The following ADGRA1 variants were observed in gnomAD, a reference collection of about 807,000 sequenced individuals.
ADGRA1 encodes adhesion G protein-coupled receptor A1.
In ADGRA1, 12 loss-of-function variants were observed where a neutral mutation model predicts 21.3. The ratio of observed to expected loss-of-function variants is 0.56; its 90% CI spans 0.36 to 0.91. The LOEUF (loss-of-function observed/expected upper bound fraction) is 0.91. Ranked by LOEUF, ADGRA1 falls within the 40% of genes least tolerant of loss-of-function variation. ADGRA1 has a pLI of 0.01. For synonymous variants in ADGRA1, 385 were observed against 368.8 expected (o/e 1.04, Z -0.50); for missense variants, 790 against 805.6 (o/e 0.98, Z 0.23).
intron 5 of ADGRA1, among the ~76,000 whole-genome samples, chr10:133,111,489 C>G (rs112424346): frequency 1.8e-5 from 1 of 55,084 alleles, no homozygotes; most frequent in Admixed American, 1.5e-4. Flanking sequence ...CCCTCCTAAT[C>G]CCACCAGACA....
At chr10:133,099,898 G>A (rs1851759782) in intron 4 of ADGRA1, among the ~76,000 whole-genome samples, 1 of 152,216 alleles carries the variant, frequency 6.6e-6, no homozygotes, top group Admixed American at 6.5e-5. Context: ...ACATGCACCT[G>A]CAGACAGCAG....
chr10:133,120,421 T>A (rs1182597532), intron 5 of ADGRA1, among the ~76,000 whole-genome samples: 1 of 151,966 alleles, frequency 6.6e-6, no homozygotes, highest in African/African-American at 2.4e-5. Flanking sequence ...AGAAAAAAAA[T>A]ATATCTTGTT....
chr10:133,121,058 C>T (rs759859333), intron 5 of ADGRA1, among the ~76,000 whole-genome samples: 8 of 152,150 alleles, frequency 5.3e-5, no homozygotes, highest in Non-Finnish European at 1.0e-4. Flanking sequence ...CCAGATCACA[C>T]GGGACATTTA....
chr10:133,129,283 G>T lies in ADGRA1; in HGVS notation c.1455G>T (p.Glu485Asp), dbSNP rs1852460566. ...CCTTCCCCATGGTCACCCAGCCCGA[G>T]GGCAGTGATGGGAGCCCTGCCCTCT... The part of the protein sequence containing the change: ...GDPFPMVTQP[E>D]GSDGSPALYS... The change falls in exon 7 of 7, where the codon GAG becomes GAT. Residue 485 changes from glutamate (E) to aspartate (D), a missense_variant. Physicochemically the swap from Glu to Asp is conservative, Grantham distance 45. Coordinates refer to ENST00000392607, the MANE Select transcript of ADGRA1 (RefSeq NM_001083909.3). 4 of 1,551,016 alleles carry T rather than the reference G, an allele frequency of 2.6e-6. No homozygotes were observed. The South Asian group carries it at 3.6e-5, about 14-fold the overall frequency.
chr10:133,129,173 C>A lies in ADGRA1; in HGVS notation c.1345C>A (p.Arg449Ser). Residue 449 changes from arginine (R) to serine (S), a missense_variant, in exon 7 of 7, where the codon CGC becomes AGC. Coordinates refer to ENST00000392607, the MANE Select transcript of ADGRA1 (RefSeq NM_001083909.3). ...HIPSSLDGSP[R>S]SSRTDSPPSS... is the part of the protein sequence containing the mutation. The stretch of plus-strand genomic sequence containing the variant: ...CCCATCCAGCCTGGATGGCAGCCCC[C>A]GCAGCTCGCGCACAGACAGCCCCCC... 6.4e-7 allele frequency: 1 copy of A among 1,551,000 alleles called. No homozygotes were observed. Among genetic ancestry groups the A allele is most frequent in the East Asian group, 2.4e-5 (1 of 40,960 alleles).
intron 5 of ADGRA1, among the ~76,000 whole-genome samples, chr10:133,103,532 C>G (rs922002726): frequency 6.6e-6 from 1 of 152,222 alleles, no homozygotes; most frequent in African/African-American, 2.4e-5. Flanking sequence ...CATCCTCAGG[C>G]TGGGAATGCA....
intron 5 of ADGRA1, among the ~76,000 whole-genome samples, chr10:133,123,264 C>T (rs374356414): frequency 6.6e-6 from 1 of 152,218 alleles, no homozygotes; most frequent in Admixed American, 6.5e-5. Context: ...CTCTGTGAAG[C>T]GTGTGCAGGT....
At position 133,097,044 on chromosome 10, in the gene ADGRA1, C is replaced by G. The variant is rs1851701452; in HGVS notation, c.74C>G (p.Thr25Arg). 1.2e-6 allele frequency: 2 copies of G among 1,611,562 alleles called. No homozygotes were observed. Among genetic ancestry groups the G allele is most frequent in the Non-Finnish European group, 1.7e-6 (2 of 1,179,992 alleles). ...EFLHPVVYAC[T>R]AVMLLCLLAS... The stretch of plus-strand genomic sequence containing the variant: ...CTGCACCCCGTGGTGTACGCGTGCA[C>G]GGCCGTCATGCTGCTCTGCCTCCTG... The change falls in exon 3 of 7, where the codon ACG becomes AGG. Residue 25 changes from threonine to arginine, a missense_variant. By Grantham distance (71) the Thr-to-Arg change is moderately conservative. Around this residue, in one of 3 missense-constraint regions of ADGRA1, gnomAD observed 382 missense variants for 415.6 expected, o/e 0.92. Coordinates refer to ENST00000392607, the MANE Select transcript of ADGRA1 (RefSeq NM_001083909.3).
chr10:133,103,726 C>T (rs1026663182), intron 5 of ADGRA1, among the ~76,000 whole-genome samples: 7 of 152,232 alleles, frequency 4.6e-5, no homozygotes, highest in African/African-American at 1.7e-4. Context: ...GGGACAGCTG[C>T]TTTAGACGGG....
At chr10:133,097,430 G>A (rs1591168332) in intron 3 of ADGRA1, among the ~76,000 whole-genome samples, 1 of 152,250 alleles carries the variant, frequency 6.6e-6, no homozygotes, top group Non-Finnish European at 1.5e-5. Context: ...GAGGAGCTCA[G>A]TTCCCCCGGG....
At position 133,129,395 on chromosome 10, in the gene ADGRA1, G is replaced by T; in HGVS notation, c.1567G>T (p.Gly523Cys). ...MLRRTQSLPF[G>C]GPSQNGLPKG... is the part of the protein sequence containing the mutation. ...GCGGAGGACACAGTCCCTGCCCTTT[G>T]GTGGCCCCAGCCAGAACGGGCTGCC... The change falls in exon 7 of 7, where the codon GGT becomes TGT. Residue 523 changes from glycine to cysteine, a missense_variant. Physicochemically the swap from Gly to Cys is radical, Grantham distance 159. This residue lies in a region of ADGRA1 where 391 missense variants were observed against 351.5 expected (regional missense o/e 1.11). Coordinates refer to ENST00000392607, the MANE Select transcript of ADGRA1 (RefSeq NM_001083909.3). 1.2e-6 allele frequency: 2 copies of T among 1,605,816 alleles called. No homozygotes were observed. Among genetic ancestry groups the T allele is most frequent in the Non-Finnish European group, 1.7e-6 (2 of 1,178,832 alleles).
chr10:133,105,656 C>T (rs1046249406), intron 5 of ADGRA1, among the ~76,000 whole-genome samples: 4 of 152,328 alleles, frequency 2.6e-5, no homozygotes, highest in Admixed American at 6.5e-5. Context: ...TGCCCCACCT[C>T]GGCTGGGGAC....
Position 133,129,868 on chromosome 10 carries a change from A to C in ADGRA1, c.*357A>C. On this transcript the variant is annotated 3_prime_UTR_variant, in exon 7 of 7. Transcript: ENST00000392607. ...AGAGGCAGAGCAGGGGATTCCATCAAAGGACCCACTGAGACCCCAGCATGG... is the reference window on the plus strand; with the variant it reads ...AGAGGCAGAGCAGGGGATTCCATCACAGGACCCACTGAGACCCCAGCATGG... 2 of 221,424 alleles carry C rather than the reference A, an allele frequency of 9.0e-6. No homozygotes were observed. Among genetic ancestry groups the C allele is most frequent in the Non-Finnish European group, 9.1e-6 (1 of 110,308 alleles). 13.7% of individuals were successfully genotyped at this position (221,424 alleles called of 1,614,324 possible).
intron 2 of ADGRA1, 21 bp downstream of exon 2, chr10:133,088,933 G>C: frequency 8.1e-7 from 1 of 1,241,686 alleles, no homozygotes; most frequent in Non-Finnish European, 1.0e-6. Context: ...GGGTCCCGGG[G>C]GTCCTGCAGC....
chr10:133,100,530 G>C (rs543681641), intron 4 of ADGRA1, among the ~76,000 whole-genome samples: 3 of 152,260 alleles, frequency 2.0e-5, no homozygotes, highest in African/African-American at 7.2e-5. Flanking sequence ...GTGACAGCTC[G>C]GGGCGGATGC....
At chr10:133,103,577 G>A (rs562932681) in intron 5 of ADGRA1, among the ~76,000 whole-genome samples, 10 of 152,242 alleles carry the variant, frequency 6.6e-5, no homozygotes, top group African/African-American at 2.4e-4. Flanking sequence ...GCCTGCCTAG[G>A]GGGGCGGACA....
At chr10:133,121,523 G>T (rs1396837199) in intron 5 of ADGRA1, among the ~76,000 whole-genome samples, 1 of 150,968 alleles carries the variant, frequency 6.6e-6, no homozygotes, top group South Asian at 2.1e-4. Flanking sequence ...GTGAGTGCCT[G>T]TGCATGTCCA....
At chr10:133,110,076 G>A (rs1851959798) in intron 5 of ADGRA1, among the ~76,000 whole-genome samples, 1 of 152,222 alleles carries the variant, frequency 6.6e-6, no homozygotes, top group Non-Finnish European at 1.5e-5. Context: ...CTCCACAGAA[G>A]GATACACCAC....
intron 5 of ADGRA1, among the ~76,000 whole-genome samples, chr10:133,119,742 C>T (rs1431502588): frequency 6.6e-6 from 1 of 152,252 alleles, no homozygotes; most frequent in African/African-American, 2.4e-5. Flanking sequence ...ACTTCTAATT[C>T]TTGGGTGGCC....
Sources: gnomAD v4.1 joint callset for allele counts (sites outside exome capture counted in the v4.1 genomes callset) on GRCh38, gnomAD v4.1.1 for gene constraint, gnomAD v4.1.1 regional missense constraint, MANE v1.5 for transcripts, NCBI Gene and HGNC (gene_info 2026-07-23, HGNC 2026-07-21) for gene names.